Variants in DLGAP2 observed in about 807,000 individuals in gnomAD.
The protein encoded by DLGAP2 is disks large-associated protein 2.
DLGAP2 carries 26 observed loss-of-function variants against 100.3 expected under a neutral mutation model. The observed-to-expected ratio is 0.26, with a 90% CI of 0.19 to 0.36. The LOEUF (loss-of-function observed/expected upper bound fraction) is 0.36. Among genes scored for constraint, DLGAP2 ranks in the 10% least tolerant of loss-of-function variants. The probability of loss-of-function intolerance (pLI) is 1.00; values close to 1 mark genes in which losing one functional copy is unlikely to be tolerated. For missense variants in DLGAP2, 1,858 were observed against 1,453.2 expected (o/e 1.28, Z -4.53); for synonymous variants, 886 against 630.1 (o/e 1.41, Z -6.08).
At chr8:1,596,337 G>C (rs1232748659) in intron 6 of DLGAP2, among the ~76,000 whole-genome samples, 1 of 152,132 alleles carries the variant, frequency 6.6e-6, no homozygotes, top group Non-Finnish European at 1.5e-5. Flanking sequence ...AAACATACAT[G>C]TGCATGTGTC....
chr8:895,433 AG>A (rs1233977502), intron 1 of DLGAP2, among the ~76,000 whole-genome samples: 2 of 152,152 alleles, frequency 1.3e-5, no homozygotes, highest in African/African-American at 4.8e-5. Flanking sequence ...TCCGGGGAGC[AG>A]GGGGCTGTCG....
chr8:1,164,821 T>G (rs191348522), intron 2 of DLGAP2, among the ~76,000 whole-genome samples: 5 of 152,190 alleles, frequency 3.3e-5, no homozygotes, highest in African/African-American at 1.2e-4. Context: ...CGTGTGACAG[T>G]GAGAATACCA....
At chr8:918,017 C>T (rs1476425052) in intron 2 of DLGAP2, among the ~76,000 whole-genome samples, 2 of 152,188 alleles carry the variant, frequency 1.3e-5, no homozygotes, top group Non-Finnish European at 2.9e-5. Context: ...TGGTAGGTTG[C>T]ATGTCTAGGG....
chr8:991,668 G>C (rs1186095754), intron 2 of DLGAP2, among the ~76,000 whole-genome samples: 5 of 4,006 alleles, frequency 1.2e-3, no homozygotes, highest in Non-Finnish European at 1.4e-3. Context: ...CGGACCCCCT[G>C]CACCCCCATA....
At chr8:783,733 G>T (rs932193868) in intron 1 of DLGAP2, among the ~76,000 whole-genome samples, 1 of 152,134 alleles carries the variant, frequency 6.6e-6, no homozygotes, top group Non-Finnish European at 1.5e-5. Context: ...TATGAAAGAG[G>T]GAAAAGGTGT....
chr8:1,288,363 G>A (rs1197343907), intron 3 of DLGAP2, among the ~76,000 whole-genome samples: 1 of 147,036 alleles, frequency 6.8e-6, no homozygotes, highest in South Asian at 2.3e-4. Context: ...TTGTTAGGAG[G>A]GGAACTTGTT....
At chr8:742,376 T>C (rs955486557) in intron 1 of DLGAP2, among the ~76,000 whole-genome samples, 1 of 152,252 alleles carries the variant, frequency 6.6e-6, no homozygotes, top group African/African-American at 2.4e-5. Flanking sequence ...CTTTAAAATG[T>C]TTCATACTCT....
intron 3 of DLGAP2, among the ~76,000 whole-genome samples, chr8:1,329,832 C>G (rs899691722): frequency 1.3e-5 from 2 of 152,230 alleles, no homozygotes; most frequent in African/African-American, 4.8e-5. Flanking sequence ...CACCAAGTGT[C>G]TCATACCAAA....
chr8:1,553,244 C>T (rs961143036), intron 5 of DLGAP2, among the ~76,000 whole-genome samples: 1 of 152,216 alleles, frequency 6.6e-6, no homozygotes, highest in African/African-American at 2.4e-5. Flanking sequence ...TCTCCCACCG[C>T]GTCCTGCGCT....
chr8:1,651,552 C>T (rs1032138647), intron 8 of DLGAP2, among the ~76,000 whole-genome samples: 12 of 152,170 alleles, frequency 7.9e-5, no homozygotes, highest in Admixed American at 2.0e-4. Context: ...CAGCACATGG[C>T]GGCTGGGGCG....
intron 1 of DLGAP2, among the ~76,000 whole-genome samples, chr8:871,513 A>T (rs1265746348): frequency 6.6e-6 from 1 of 152,204 alleles, no homozygotes; most frequent in Non-Finnish European, 1.5e-5. Flanking sequence ...TATGTGTGAA[A>T]TTTTGATTGG....
chr8:1,641,881 CCGGTCCT>C lies in DLGAP2; in HGVS notation c.1810+8837_1810+8843del, dbSNP rs1563275233. Among the ~76,000 whole-genome samples the C allele has an allele frequency of 5.5e-3, 703 of 128,840 alleles. 38 individuals are homozygous for C. Among genetic ancestry groups the C allele is most frequent in the African/African-American group, 0.018 (576 of 32,030 alleles). The allele number at this position is 128,840 out of a possible 152,430, so 84.5% of individuals were successfully genotyped here. A position where few individuals can be genotyped will look rare whatever the true frequency, so the allele number is the denominator to read the frequency against. ...CTGCCTCCCATACCCCTCGAACCCG[CCGGTCCT>C]CACCTGTGTCACCCTCGACCCCGCC... is the stretch of plus-strand genomic sequence containing the variant. On this transcript the variant is annotated intron_variant, in intron 8 of 14. Transcript: ENST00000637795.
At chr8:967,816 CTATATATATATATATATATATATATATA>C (rs1175736398) in intron 2 of DLGAP2, among the ~76,000 whole-genome samples, 107 of 2,584 alleles carry the variant, frequency 0.041, 8 homozygotes, top group African/African-American at 0.051. Flanking sequence ...TTGAACACCA[CTATATATATATATATATATATATATATA>C]TATATATATA....
At chr8:1,695,935 G>T (rs1358095708) in intron 13 of DLGAP2, among the ~76,000 whole-genome samples, 2 of 152,234 alleles carry the variant, frequency 1.3e-5, no homozygotes, top group African/African-American at 4.8e-5. Flanking sequence ...CAAGTGCCTG[G>T]GGGGGCTTTG....
intron 1 of DLGAP2, among the ~76,000 whole-genome samples, chr8:899,869 T>C (rs969394969): frequency 6.6e-6 from 1 of 152,194 alleles, no homozygotes; most frequent in South Asian, 2.1e-4. Flanking sequence ...ACACCACTTA[T>C]TTGTTATGTG....
At chr8:1,140,948 A>C (rs923859615) in intron 2 of DLGAP2, among the ~76,000 whole-genome samples, 1 of 152,228 alleles carries the variant, frequency 6.6e-6, no homozygotes, top group Non-Finnish European at 1.5e-5. Context: ...ATGCCACTGC[A>C]CTCCAGCCTG....
At chr8:949,096 G>T (rs1799409808) in intron 2 of DLGAP2, among the ~76,000 whole-genome samples, 1 of 152,250 alleles carries the variant, frequency 6.6e-6, no homozygotes, top group Non-Finnish European at 1.5e-5. Context: ...GGGATGCTGG[G>T]GTGGTTGGAG....
intron 2 of DLGAP2, among the ~76,000 whole-genome samples, chr8:1,067,167 C>T (rs866728889): frequency 2.0e-5 from 3 of 152,226 alleles, no homozygotes; most frequent in African/African-American, 4.8e-5. Context: ...GCTGTGGCCA[C>T]GTTGTCCATG....
At position 906,880 on chromosome 8, in the gene DLGAP2, A is replaced by G. The variant is rs564383805; in HGVS notation, c.19-1032A>G. 8.5e-5 allele frequency among the ~76,000 whole-genome samples: 13 copies of G among 152,342 alleles called. No individual in the cohort carries two copies. The South Asian group carries it at 2.7e-3, about 32-fold the overall frequency. On this transcript the variant is annotated intron_variant, in intron 1 of 14. Coordinates refer to ENST00000637795, the MANE Select transcript of DLGAP2 (RefSeq NM_001346810.2). ...CTCTGTTGATTTGCACAGAGTTGAA[A>G]ATTGGTGATACTGTCTTGTTTTCAA...
Sources: allele counts gnomAD v4.1 joint callset (sites outside exome capture counted in the v4.1 genomes callset), GRCh38; gene constraint gnomAD v4.1.1; transcripts MANE v1.5; gene names NCBI Gene and HGNC (gene_info 2026-07-23, HGNC 2026-07-21).